MUC17: variants seen among roughly 807,000 people sequenced by gnomAD.
The protein encoded by MUC17 is mucin 17, cell surface associated.
In MUC17, 190 loss-of-function variants were observed where a neutral mutation model predicts 170.3. That is an observed-to-expected ratio of 1.12 (90% CI 0.99 to 1.26). The LOEUF is 1.26. Ranked by LOEUF, MUC17 falls within the 50% of genes most tolerant of loss-of-function variation. The pLI, the probability that MUC17 is intolerant of heterozygous loss-of-function variation, is 0.00. For missense variants in MUC17, 6,415 were observed against 5,530.0 expected, an observed-to-expected ratio of 1.16 and a Z score of -5.08; for synonymous variants, 2,325 against 2,002.5, an observed-to-expected ratio of 1.16 and a Z score of -4.30.
chr7:101,027,351 C>T (rs180758066), intron 1 of MUC17, among the ~76,000 whole-genome samples: 21 of 152,030 alleles, frequency 1.4e-4, no homozygotes, highest in African/African-American at 3.1e-4. Flanking sequence ...AGGCTGGTCT[C>T]GAACTCCTGG....
chr7:101,037,621 G>A lies in MUC17; in HGVS notation c.6205G>A (p.Val2069Ile). Residue 2069 changes from valine to isoleucine, a missense_variant, in exon 3 of 13, where the codon GTT (valine) becomes ATT (isoleucine). Coordinates refer to ENST00000306151, the MANE Select transcript of MUC17 (RefSeq NM_001040105.2). ...SEGNTLSTTP[V>I]DSKTQVTNST... Reference sequence around the variant, plus strand: ...GGGTAACACCCTTTCAACAACTCCTGTTGACTCCAAAACTCAGGTGACCAA... The same window carrying A: ...GGGTAACACCCTTTCAACAACTCCTATTGACTCCAAAACTCAGGTGACCAA... 1 of 1,613,756 alleles carries A rather than the reference G, an allele frequency of 6.2e-7. No individual in the cohort carries two copies. Among genetic ancestry groups the A allele is most frequent in the Non-Finnish European group, 8.5e-7 (1 of 1,179,848 alleles).
At position 101,031,740 on chromosome 7, in the gene MUC17, C is replaced by T. The variant is rs1172472132; in HGVS notation, c.324C>T (p.Thr108=). The T allele has an allele frequency of 6.2e-7, 1 of 1,605,146 alleles. No homozygotes were observed. The highest frequency in any genetic ancestry group is 8.5e-7 in the Non-Finnish European group (1 of 1,171,972). Residue 108 remains threonine (T), a synonymous_variant, in exon 3 of 13, where the codon ACC becomes ACT. Transcript: ENST00000306151. Reference sequence around the variant, plus strand: ...CAGACACTCCTGGTGTCTCCAGTACCAGGATGACACCAACAGAATCCAGAA... The same window carrying T: ...CAGACACTCCTGGTGTCTCCAGTACTAGGATGACACCAACAGAATCCAGAA... ...VTSDTPGVSS[T]RMTPTESRTT...
In MUC17 at chr7:101,037,148, C is replaced by T. The variant is rs140328586; in HGVS notation, c.5732C>T (p.Ala1911Val). Residue 1911 changes from alanine (A) to valine (V), a missense_variant, in exon 3 of 13, where the codon GCT (alanine) becomes GTT (valine). By Grantham distance (64) the Ala-to-Val change is moderately conservative (BLOSUM62 0). Transcript: ENST00000306151. ...CAAGTCAGTTCATCTCCTACAACTG[C>T]TGACGGTAGCAGCATGCCAACCTCA... ...YAQVSSSPTT[A>V]DGSSMPTSTP... The T allele has an allele frequency of 1.3e-5, 21 of 1,612,546 alleles. No individual in the cohort carries two copies. The African/African-American group carries it at 2.3e-4, about 17-fold the overall frequency.
Position 101,039,584 on chromosome 7 carries a change from T to C in MUC17, c.8168T>C (p.Val2723Ala). 1.9e-6 allele frequency: 3 copies of C among 1,612,596 alleles called. No individual in the cohort carries two copies. Among genetic ancestry groups the C allele is most frequent in the Non-Finnish European group, 2.5e-6 (3 of 1,179,212 alleles). Reference protein sequence around the residue: ...STTPVDTSTPVTTSAEASSSP... With the variant: ...STTPVDTSTPATTSAEASSSP... ...ACTCCTGTTGACACCAGCACACCTGTCACCACTTCTGCTGAAGCCAGTTCT... is the reference window on the plus strand; with the variant it reads ...ACTCCTGTTGACACCAGCACACCTGCCACCACTTCTGCTGAAGCCAGTTCT... The change falls in exon 3 of 13, where the codon GTC becomes GCC. Residue 2723 changes from valine (V) to alanine (A), a missense_variant. Val to Ala is a moderately conservative substitution (Grantham distance 64). Coordinates refer to ENST00000306151, the MANE Select transcript of MUC17 (RefSeq NM_001040105.2).
intron 3 of MUC17, among the ~76,000 whole-genome samples, 166 bp downstream of exon 3, chr7:101,043,985 C>T (rs1292164125): frequency 6.6e-6 from 1 of 152,206 alleles, no homozygotes; most frequent in Non-Finnish European, 1.5e-5. Context: ...TGCTATCCCT[C>T]CCCCATCCCC....
Position 101,052,977 on chromosome 7 carries a change from C to T in MUC17, c.13104-9C>T. Reference sequence around the variant, plus strand: ...CTCTCCCCAACCTGCCGCTTCTCTCCCATCTCAGCTGCGTGACCACGGAAA... The same window carrying T: ...CTCTCCCCAACCTGCCGCTTCTCTCTCATCTCAGCTGCGTGACCACGGAAA... On this transcript the variant is annotated splice_polypyrimidine_tract_variant and intron_variant, in intron 9 of 12. Transcript: ENST00000306151. The T allele has an allele frequency of 6.2e-7, 1 of 1,609,450 alleles. No homozygotes were observed. The highest frequency in any genetic ancestry group is 1.1e-5 in the South Asian group (1 of 90,576).
In MUC17 at chr7:101,035,402, C is replaced by T. The variant is rs752754042; in HGVS notation, c.3986C>T (p.Thr1329Ile). 6.8e-6 allele frequency: 11 copies of T among 1,606,516 alleles called. No homozygotes were observed. The highest frequency in any genetic ancestry group is 3.3e-5 in the South Asian group (3 of 90,730). ...PTPAEGTSMP[T>I]STYSEGRTPL... is the part of the protein sequence containing the mutation. ...CCTGCTGAAGGTACCAGCATGCCAA[C>T]CTCAACTTATAGTGAAGGAAGAACT... The change falls in exon 3 of 13, where the codon ACC becomes ATC. Residue 1329 changes from threonine to isoleucine, a missense_variant. Physicochemically the swap from Thr to Ile is moderately conservative, Grantham distance 89. Coordinates refer to ENST00000306151, the MANE Select transcript of MUC17 (RefSeq NM_001040105.2).
In MUC17 at chr7:101,032,796, CA is replaced by C. The variant is rs1307684212; in HGVS notation, c.1381del (p.Thr461ProfsTer23). The C allele has an allele frequency of 6.2e-7, 1 of 1,614,018 alleles. No individual in the cohort carries two copies. The highest frequency in any genetic ancestry group is 8.5e-7 in the Non-Finnish European group (1 of 1,180,014). On this transcript the variant is annotated frameshift_variant, in exon 3 of 13. Coordinates refer to ENST00000306151, the MANE Select transcript of MUC17 (RefSeq NM_001040105.2). LOFTEE classifies it high-confidence loss of function. Reference sequence around the variant, plus strand: ...CTCCATTAACAAGTATGCCTGTCAGCACCACTCCAGTGGCCAGTTCTGAGGC... The same window carrying C: ...CTCCATTAACAAGTATGCCTGTCAGCCCACTCCAGTGGCCAGTTCTGAGGC... ...STPLTSMPVSTTPVASSEASN... is the reference protein window; with the variant it reads ...STPLTSMPVSXTPVASSEASN...
chr7:101,049,473 C>T (rs1794898647), intron 6 of MUC17, 91 bp downstream of exon 6: 2 of 1,494,508 alleles, frequency 1.3e-6, no homozygotes, highest in South Asian at 1.3e-5. Flanking sequence ...CCCTGCATTA[C>T]TGTGCCCAGG....
In MUC17 at chr7:101,036,700, CT is replaced by C. The variant is rs1794493404; in HGVS notation, c.5285del (p.Leu1762ProfsTer19). On this transcript the variant is annotated frameshift_variant, in exon 3 of 13. Transcript: ENST00000306151. LOFTEE classifies it high-confidence loss of function. ...TSIPVSTTPVLSSEASTLSAT... is the reference protein window; with the variant it reads ...TSIPVSTTPVXSSEASTLSAT... ...TATACCTGTCAGCACCACGCCGGTA[CT>C]CAGTTCTGAGGCTAGCACCCTTTCA... is the stretch of plus-strand genomic sequence containing the variant. 6.2e-7 allele frequency: 1 copy of C among 1,606,350 alleles called. No homozygotes were observed. Among genetic ancestry groups the C allele is most frequent in the African/African-American group, 1.4e-5 (1 of 72,540 alleles).
At chr7:101,049,076 G>T in intron 5 of MUC17, 104 bp downstream of exon 5, 1 of 1,546,672 alleles carries the variant, frequency 6.5e-7, no homozygotes, top group Non-Finnish European at 8.8e-7. Context: ...AGATGTGCGG[G>T]AGTTCTCTCA....
chr7:101,057,794 T>C (rs1244385765), intron 12 of MUC17, among the ~76,000 whole-genome samples: 1 of 152,108 alleles, frequency 6.6e-6, no homozygotes, highest in East Asian at 1.9e-4. Context: ...GTGGGAGGAT[T>C]GCTTGAGGCC....
chr7:101,024,551 G>A (rs1794148096), intron 1 of MUC17, among the ~76,000 whole-genome samples: 1 of 152,142 alleles, frequency 6.6e-6, no homozygotes, highest in Non-Finnish European at 1.5e-5. Context: ...CCTCCAGTGG[G>A]GAGGTAGTTG....
At chr7:101,046,400 G>T (rs759720663) in intron 3 of MUC17, among the ~76,000 whole-genome samples, 7 of 152,164 alleles carry the variant, frequency 4.6e-5, no homozygotes, top group Non-Finnish European at 8.8e-5. Flanking sequence ...AGGTTGATTG[G>T]CACAGATATT....
chr7:101,035,199 A>G lies in MUC17; in HGVS notation c.3783A>G (p.Thr1261=), dbSNP rs757825887. The G allele has an allele frequency of 6.2e-7, 1 of 1,610,072 alleles. No individual in the cohort carries two copies. Among genetic ancestry groups the G allele is most frequent in the Admixed American group, 1.7e-5 (1 of 59,734 alleles). Residue 1261 remains threonine (T), a synonymous_variant, in exon 3 of 13, where the codon ACA becomes ACG. Coordinates refer to ENST00000306151, the MANE Select transcript of MUC17 (RefSeq NM_001040105.2). ...CTGCTGAAACCAGTTCCTCTCCTAC[A>G]ACCGCTGAAGGTACCAGCTTGCCAA... ...TTSAETSSSP[T]TAEGTSLPTS... is the part of the protein sequence containing the mutation.
In MUC17 at chr7:101,035,892, C is replaced by T. The variant is rs376658584; in HGVS notation, c.4476C>T (p.Val1492=). The T allele has an allele frequency of 2.2e-5, 36 of 1,610,422 alleles. No individual in the cohort carries two copies. Among genetic ancestry groups the T allele is most frequent in the Non-Finnish European group, 2.6e-5 (31 of 1,178,094 alleles). The change falls in exon 3 of 13, where the codon GTC becomes GTT. Residue 1492 remains valine, a synonymous_variant. Transcript: ENST00000306151. ...GTCCTGTGGTCACTTCTACAGCAGT[C>T]AGTTCATCTCCTACACCTGCTGAAG... The part of the protein sequence containing the change: ...SNSPVVTSTA[V]SSSPTPAEGT...
Position 101,038,731 on chromosome 7 carries a change from A to G in MUC17, c.7315A>G (p.Thr2439Ala). The G allele has an allele frequency of 6.2e-7, 1 of 1,611,826 alleles. No homozygotes were observed. The highest frequency in any genetic ancestry group is 1.1e-5 in the South Asian group (1 of 90,984). Reference sequence around the variant, plus strand: ...TTCTACTGAAGCCAGTTCATCTCCTACAACTGCTGAAGGTACCAGCATACC... The same window carrying G: ...TTCTACTGAAGCCAGTTCATCTCCTGCAACTGCTGAAGGTACCAGCATACC... The part of the protein sequence containing the change: ...TTSTEASSSP[T>A]TAEGTSIPTS... The change falls in exon 3 of 13, where the codon ACA becomes GCA. Residue 2439 changes from threonine (T) to alanine (A), a missense_variant. Transcript: ENST00000306151.
Position 101,034,152 on chromosome 7 carries a change from C to T in MUC17, c.2736C>T (p.Thr912=). 1.3e-6 allele frequency: 2 copies of T among 1,584,672 alleles called. No individual in the cohort carries two copies. Among genetic ancestry groups the T allele is most frequent in the Non-Finnish European group, 1.7e-6 (2 of 1,164,174 alleles). Residue 912 remains threonine (T), a synonymous_variant, in exon 3 of 13, where the codon ACC becomes ACT. Coordinates refer to ENST00000306151, the MANE Select transcript of MUC17 (RefSeq NM_001040105.2). ...CGTCTCCTACAACTTCTGAAGGTAC[C>T]AGCATGCCAACCTCAACTCCTGGGG... ...ARSSPTTSEG[T]SMPTSTPGEG...
intron 1 of MUC17, among the ~76,000 whole-genome samples, chr7:101,027,736 A>G (rs1301606003): frequency 6.6e-6 from 1 of 152,148 alleles, no homozygotes; most frequent in Admixed American, 6.6e-5. Context: ...TAGGCTGCTT[A>G]AAGTTGTCCC....
Sources: allele counts gnomAD v4.1 joint callset (sites outside exome capture counted in the v4.1 genomes callset), GRCh38; gene constraint gnomAD v4.1.1; transcripts MANE v1.5; gene names NCBI Gene and HGNC (gene_info 2026-07-23, HGNC 2026-07-21).